Variants in CDH2 observed in about 807,000 individuals in gnomAD.
CDH2 encodes cadherin 2.
A neutral mutation model predicts 92.0 loss-of-function variants in CDH2; 17 were observed. That is an observed-to-expected ratio of 0.18 (90% CI 0.13 to 0.28). The LOEUF is 0.28. Ranked by LOEUF, CDH2 falls within the 10% of genes least tolerant of loss-of-function variation. The pLI, the probability that CDH2 is intolerant of heterozygous loss-of-function variation, is 1.00. For missense variants in CDH2, 862 were observed against 1,133.1 expected (o/e 0.76, Z 3.44); for synonymous variants, 419 against 415.9 (o/e 1.01, Z -0.09).
intron 14 of CDH2, among the ~76,000 whole-genome samples, chr18:27,977,406 T>C (rs2011869833): frequency 6.6e-6 from 1 of 152,140 alleles, no homozygotes; most frequent in African/African-American, 2.4e-5. Flanking sequence ...ACCTCTTAGT[T>C]ATTTTGTTAA....
At chr18:28,174,964 TA>T (rs202127684) in intron 1 of CDH2, among the ~76,000 whole-genome samples, 11 of 151,894 alleles carry the variant, frequency 7.2e-5, no homozygotes, top group South Asian at 4.2e-4. Context: ...TCTCCTTTGT[TA>T]AAAAAAAATC....
intron 14 of CDH2, among the ~76,000 whole-genome samples, chr18:27,979,916 T>C (rs1233824592): frequency 6.6e-6 from 1 of 152,216 alleles, no homozygotes; most frequent in African/African-American, 2.4e-5. Flanking sequence ...CATCTGCTTC[T>C]GGTTGGGATA....
At chr18:28,142,260 A>G (rs1019789372) in intron 2 of CDH2, among the ~76,000 whole-genome samples, 1 of 151,956 alleles carries the variant, frequency 6.6e-6, no homozygotes, top group Admixed American at 6.6e-5. Context: ...TCTTTAACAC[A>G]TATCTCCTCG....
Position 28,156,597 on chromosome 18 carries a change from GC to G in CDH2, c.61-8814del, listed in dbSNP as rs1178116215. Among the ~76,000 whole-genome samples the G allele has an allele frequency of 7.6e-5, 10 of 132,160 alleles. 1 individual carries two copies. Among genetic ancestry groups the G allele is most frequent in the African/African-American group, 1.9e-4 (6 of 30,850 alleles). The allele number at this position is 132,160 out of a possible 152,430, so 86.7% of individuals were successfully genotyped here. A position where few individuals can be genotyped will look rare whatever the true frequency, so the allele number is the denominator to read the frequency against. On this transcript the variant is annotated intron_variant, in intron 1 of 15. Transcript: ENST00000269141. ...ACAGAATGTCACCTTCCCAGGTACAGCATGTCACCTTCCCAGGTACAGCATG... is the reference window on the plus strand; with the variant it reads ...ACAGAATGTCACCTTCCCAGGTACAGATGTCACCTTCCCAGGTACAGCATG...
chr18:28,036,501 C>T (rs772049531), intron 2 of CDH2: 3 of 1,602,708 alleles, frequency 1.9e-6, no homozygotes, highest in Admixed American at 3.3e-5. Flanking sequence ...CTGCTTGGTT[C>T]TTTAATTTCT....
chr18:28,071,375 T>C (rs919532801), intron 2 of CDH2, among the ~76,000 whole-genome samples: 5 of 152,084 alleles, frequency 3.3e-5, no homozygotes, highest in South Asian at 4.2e-4. Flanking sequence ...TCTCTGCTCC[T>C]TGGAGATGAA....
At chr18:28,115,424 C>A (rs28365307) in intron 2 of CDH2, among the ~76,000 whole-genome samples, 2 of 152,118 alleles carry the variant, frequency 1.3e-5, no homozygotes, top group Admixed American at 1.3e-4. Context: ...ACCACAACAT[C>A]CACCAGTGAC....
At chr18:28,014,588 G>A (rs1293663709) in intron 2 of CDH2, among the ~76,000 whole-genome samples, 4 of 151,858 alleles carry the variant, frequency 2.6e-5, no homozygotes, top group African/African-American at 9.7e-5. Flanking sequence ...CTTCCATTAA[G>A]CAGTAACATA....
chr18:27,939,392 C>G (rs1283379005), intron 6 of CDH2, among the ~76,000 whole-genome samples: 1 of 152,126 alleles, frequency 6.6e-6, no homozygotes, highest in Non-Finnish European at 1.5e-5. Flanking sequence ...TAGAAACACA[C>G]GAAAGGAGAA....
intron 1 of CDH2, among the ~76,000 whole-genome samples, chr18:28,163,332 C>A (rs1038216232): frequency 1.3e-5 from 2 of 152,198 alleles, no homozygotes; most frequent in Admixed American, 6.5e-5. Context: ...AACATGCATA[C>A]CTTGCAATCT....
At chr18:28,072,308 A>G (rs1334498328) in intron 2 of CDH2, among the ~76,000 whole-genome samples, 1 of 152,128 alleles carries the variant, frequency 6.6e-6, no homozygotes, top group Non-Finnish European at 1.5e-5. Flanking sequence ...TGTGACCGCC[A>G]TACCACATGC....
intron 2 of CDH2, among the ~76,000 whole-genome samples, chr18:28,062,749 G>A (rs554305954): frequency 9.2e-5 from 14 of 152,246 alleles, no homozygotes; most frequent in Admixed American, 5.9e-4. Flanking sequence ...CAAGGCGAGC[G>A]GATGACTTGA....
At chr18:28,020,804 AG>A (rs2144056193) in intron 2 of CDH2, among the ~76,000 whole-genome samples, 1 of 152,164 alleles carries the variant, frequency 6.6e-6, no homozygotes, top group East Asian at 1.9e-4. Context: ...ATTGCAAACT[AG>A]AAACTTTAGT....
At position 28,093,828 on chromosome 18, in the gene CDH2, C is replaced by T. The variant is rs952358544; in HGVS notation, c.172+53845G>A. Among the ~76,000 whole-genome samples, 6 of 152,112 alleles carry T rather than the reference C, an allele frequency of 3.9e-5. No homozygotes were observed. In the East Asian group the frequency reaches 5.8e-4, roughly 15 times the overall value. ...ATAACTAAACCTCAAAAGTAAATTTCACTTTTACTTTTTAAAAAGTGAAGA... is the reference window on the plus strand; with the variant it reads ...ATAACTAAACCTCAAAAGTAAATTTTACTTTTACTTTTTAAAAAGTGAAGA... On this transcript the variant is annotated intron_variant, in intron 2 of 15. Coordinates refer to ENST00000269141, the MANE Select transcript of CDH2 (RefSeq NM_001792.5).
At chr18:28,069,329 G>A (rs1346419741) in intron 2 of CDH2, among the ~76,000 whole-genome samples, 2 of 152,164 alleles carry the variant, frequency 1.3e-5, no homozygotes, top group African/African-American at 4.8e-5. Context: ...TATTCTGTAA[G>A]TGGAAAAAAT....
intron 2 of CDH2, among the ~76,000 whole-genome samples, chr18:28,123,172 A>G (rs2015620549): frequency 6.6e-6 from 1 of 152,192 alleles, no homozygotes; most frequent in African/African-American, 2.4e-5. Flanking sequence ...AAAACTGCTT[A>G]AAAGTCTCAC....
chr18:27,975,269 G>A (rs933864596), intron 14 of CDH2, among the ~76,000 whole-genome samples: 5 of 152,194 alleles, frequency 3.3e-5, no homozygotes, highest in Non-Finnish European at 5.9e-5. Flanking sequence ...GTGATCAAGA[G>A]AAAACTGATG....
At chr18:27,955,780 T>TTTTTTTTTTTTTTTTTTTA (rs397802200) in intron 15 of CDH2, among the ~76,000 whole-genome samples, 1 of 143,124 alleles carries the variant, frequency 7.0e-6, no homozygotes, top group African/African-American at 2.5e-5. Flanking sequence ...TTTTTTTTTT[T>TTTTTTTTTTTTTTTTTTTA]AAAGAGGTTA....
At chr18:28,158,494 T>C (rs892413241) in intron 1 of CDH2, among the ~76,000 whole-genome samples, 4 of 152,164 alleles carry the variant, frequency 2.6e-5, no homozygotes, top group Admixed American at 6.5e-5. Context: ...GTGTAACCCA[T>C]AGAGGAAATG....
Sources: gnomAD v4.1 joint callset for allele counts (sites outside exome capture counted in the v4.1 genomes callset) on GRCh38, gnomAD v4.1.1 for gene constraint, MANE v1.5 for transcripts, NCBI Gene and HGNC (gene_info 2026-07-23, HGNC 2026-07-21) for gene names.